The following MAD1L1 variants were observed in gnomAD, a reference collection of about 807,000 sequenced individuals.
MAD1L1 encodes the protein mitotic spindle assembly checkpoint protein MAD1.
A neutral mutation model predicts 96.9 loss-of-function variants in MAD1L1; 95 were observed. The ratio of observed to expected loss-of-function variants is 0.98; its 90% CI spans 0.83 to 1.16. The LOEUF (loss-of-function observed/expected upper bound fraction) is 1.16. Ranked by LOEUF, MAD1L1 falls within the 50% of genes most tolerant of loss-of-function variation. The pLI is 0.00. For synonymous variants in MAD1L1, 473 were observed against 396.6 expected, an observed-to-expected ratio of 1.19 and a Z score of -2.29; for missense variants, 1,007 against 954.4, an observed-to-expected ratio of 1.06 and a Z score of -0.73.
intron 11 of MAD1L1, among the ~76,000 whole-genome samples, chr7:2,147,371 C>T (rs934236041): frequency 3.3e-5 from 5 of 152,216 alleles, no homozygotes; most frequent in African/African-American, 9.6e-5. Flanking sequence ...GGGTGACCAG[C>T]GCCATCTGGA....
Position 2,222,854 on chromosome 7 carries a change from A to G in MAD1L1, c.292-100T>C, listed in dbSNP as rs374487590. On this transcript the variant is annotated intron_variant, in intron 4 of 18. Coordinates refer to ENST00000265854, the MANE Select transcript of MAD1L1 (RefSeq NM_001013836.2). ...TCTCTCAGAACATGCCGAGGCACAAAAAAGAGCCGAGCAGGACCCATGAGC... is the reference window on the plus strand; with the variant it reads ...TCTCTCAGAACATGCCGAGGCACAAGAAAGAGCCGAGCAGGACCCATGAGC... 19 of 1,021,326 alleles carry G rather than the reference A, an allele frequency of 1.9e-5. No individual in the cohort carries two copies. The East Asian group carries it at 2.4e-4, about 13-fold the overall frequency. 63.3% of individuals were successfully genotyped at this position (1,021,326 alleles called of 1,614,324 possible).
chr7:2,154,113 G>A (rs944427599), intron 10 of MAD1L1, among the ~76,000 whole-genome samples: 7 of 152,088 alleles, frequency 4.6e-5, no homozygotes, highest in African/African-American at 7.2e-5. Flanking sequence ...CCAAGATGAC[G>A]CCACTGCACT....
At chr7:2,062,638 G>A (rs1784712751) in intron 12 of MAD1L1, among the ~76,000 whole-genome samples, 2 of 152,094 alleles carry the variant, frequency 1.3e-5, no homozygotes, top group Admixed American at 6.5e-5. Context: ...GGGAGCGGCT[G>A]GAACCAGGCA....
At chr7:2,067,434 C>T (rs567788236) in intron 12 of MAD1L1, among the ~76,000 whole-genome samples, 2 of 152,274 alleles carry the variant, frequency 1.3e-5, no homozygotes, top group South Asian at 4.2e-4. Context: ...AAGCTCTGAG[C>T]TTCCAGCATC....
At chr7:2,068,552 C>T (rs1037003257) in intron 12 of MAD1L1, among the ~76,000 whole-genome samples, 2 of 152,194 alleles carry the variant, frequency 1.3e-5, no homozygotes, top group Non-Finnish European at 2.9e-5. Context: ...GGAGTCTCCG[C>T]CCAGCAAACT....
intron 14 of MAD1L1, among the ~76,000 whole-genome samples, chr7:1,984,656 T>C (rs775335665): frequency 5.3e-5 from 8 of 152,230 alleles, no homozygotes; most frequent in Non-Finnish European, 1.2e-4. Context: ...TGCATGGAGA[T>C]CATAGCTCCT....
chr7:2,164,581 A>G, intron 10 of MAD1L1, among the ~76,000 whole-genome samples: 1 of 100,004 alleles, frequency 1.0e-5, no homozygotes, highest in Admixed American at 1.1e-4. Flanking sequence ...CCACACTAAG[A>G]AGCAGGAAAA....
rs536677803 is a variant in MAD1L1, at chr7:2,041,670, C to T, written c.1219-27028G>A. ...TACCTTTGACATGGGTCACGACTGACGCTTGACATGAGTTGAATGAAACCA... is the reference window on the plus strand; with the variant it reads ...TACCTTTGACATGGGTCACGACTGATGCTTGACATGAGTTGAATGAAACCA... On this transcript the variant is annotated intron_variant, in intron 12 of 18. Coordinates refer to ENST00000265854, the MANE Select transcript of MAD1L1 (RefSeq NM_001013836.2). 2.5e-4 allele frequency among the ~76,000 whole-genome samples: 38 copies of T among 152,340 alleles called. 1 individual carries two copies. The highest frequency in any genetic ancestry group is 3.4e-3 in the Middle Eastern group (1 of 294).
intron 12 of MAD1L1, among the ~76,000 whole-genome samples, chr7:2,068,537 C>A (rs1269662598): frequency 6.6e-6 from 1 of 152,230 alleles, no homozygotes; most frequent in African/African-American, 2.4e-5. Context: ...TGGAGGCAGG[C>A]AGGGGGAGTC....
chr7:1,819,319 G>A lies in MAD1L1; in HGVS notation c.1999-3091C>T, dbSNP rs549231914. ...TCCTCTCCCTCTGCCTGGCCGGCCC[G>A]AGCTGCCACCTGTCTAGTCTGCGCA... On this transcript the variant is annotated intron_variant, in intron 18 of 18. Coordinates refer to ENST00000265854, the MANE Select transcript of MAD1L1 (RefSeq NM_001013836.2). Among the ~76,000 whole-genome samples the A allele has an allele frequency of 3.9e-5, 6 of 152,296 alleles. No individual in the cohort carries two copies. The East Asian group carries it at 7.7e-4, about 20-fold the overall frequency.
chr7:1,905,284 T>C (rs1562509964), intron 17 of MAD1L1, among the ~76,000 whole-genome samples: 1 of 89,852 alleles, frequency 1.1e-5, no homozygotes, highest in Non-Finnish European at 2.4e-5. Flanking sequence ...GCGGAACTCA[T>C]GATTGATAAA....
intron 16 of MAD1L1, among the ~76,000 whole-genome samples, chr7:1,942,232 G>A (rs1453114121): frequency 1.3e-5 from 2 of 152,178 alleles, no homozygotes; most frequent in African/African-American, 2.4e-5. Context: ...GGAGCCTCCT[G>A]GGCCAACACT....
rs753737962 is a variant in MAD1L1, at chr7:1,936,791, C to T, written c.1703G>A (p.Cys568Tyr). 21 of 1,585,644 alleles carry T rather than the reference C, an allele frequency of 1.3e-5. No individual in the cohort carries two copies. Among genetic ancestry groups the T allele is most frequent in the Admixed American group, 1.8e-5 (1 of 55,652 alleles). ...GCGCAGGAGCCCGCGCAGTCGCTCG[C>T]ACTCCGCCTGCAGCTGGCTGTGGTC... ...REDHSQLQAE[C>Y]ERLRGLLRAM... The change falls in exon 17 of 19, where the codon TGC becomes TAC. Residue 568 changes from cysteine to tyrosine, a missense_variant. Coordinates refer to ENST00000265854, the MANE Select transcript of MAD1L1 (RefSeq NM_001013836.2).
At chr7:1,903,638 G>C (rs1787419457) in intron 17 of MAD1L1, among the ~76,000 whole-genome samples, 1 of 146,324 alleles carries the variant, frequency 6.8e-6, no homozygotes, top group African/African-American at 2.7e-5. Flanking sequence ...GATTGATGAA[G>C]CACTGTTCCA....
At chr7:2,205,188 C>G (rs1292502756) in intron 10 of MAD1L1, among the ~76,000 whole-genome samples, 2 of 147,424 alleles carry the variant, frequency 1.4e-5, no homozygotes, top group African/African-American at 5.0e-5. Context: ...AAAAATGACA[C>G]CCGTCCTTGT....
At chr7:2,106,286 A>G (rs1787094643) in intron 11 of MAD1L1, among the ~76,000 whole-genome samples, 2 of 151,628 alleles carry the variant, frequency 1.3e-5, no homozygotes, top group Admixed American at 6.6e-5. Context: ...TCGGATCCAC[A>G]TGTCCATCCC....
chr7:1,876,501 C>T (rs1785393872), intron 18 of MAD1L1, among the ~76,000 whole-genome samples: 1 of 151,920 alleles, frequency 6.6e-6, no homozygotes, highest in South Asian at 2.1e-4. Flanking sequence ...TGCTACAATA[C>T]TTGAATGATT....
intron 18 of MAD1L1, among the ~76,000 whole-genome samples, chr7:1,857,241 G>A (rs1235159703): frequency 3.3e-5 from 5 of 152,208 alleles, no homozygotes; most frequent in Admixed American, 1.3e-4. Context: ...CAGGAGGCAC[G>A]GCTGTCCCAC....
intron 15 of MAD1L1, among the ~76,000 whole-genome samples, chr7:1,966,220 C>T (rs60254238): frequency 1.7e-3 from 258 of 152,366 alleles, no homozygotes; most frequent in African/African-American, 5.7e-3. Context: ...CCACCCAGGT[C>T]GGCTCACTGC....
Sources: allele counts gnomAD v4.1 joint callset (sites outside exome capture counted in the v4.1 genomes callset), GRCh38; gene constraint gnomAD v4.1.1; transcripts MANE v1.5; gene names NCBI Gene and HGNC (gene_info 2026-07-23, HGNC 2026-07-21).